CLYBL: variants seen among roughly 807,000 people sequenced by gnomAD.
CLYBL encodes the protein citramalyl-CoA lyase, also known as citramalyl-CoA lyase, mitochondrial.
A neutral mutation model predicts 38.9 loss-of-function variants in CLYBL; 31 were observed. That is an observed-to-expected ratio of 0.80 (90% CI 0.60 to 1.08). CLYBL has a LOEUF of 1.08. CLYBL is among the 50% of genes least tolerant of loss of function. The pLI is 0.00. For synonymous variants in CLYBL, 171 were observed against 158.6 expected (o/e 1.08, Z -0.59); for missense variants, 434 against 411.6 (o/e 1.05, Z -0.47).
chr13:99,789,421 G>C (rs1228690104), intron 2 of CLYBL, among the ~76,000 whole-genome samples: 1 of 152,196 alleles, frequency 6.6e-6, no homozygotes, highest in Non-Finnish European at 1.5e-5. Flanking sequence ...TGGTTTCAAA[G>C]AACATCTTTA....
intron 2 of CLYBL, among the ~76,000 whole-genome samples, chr13:99,820,468 C>T (rs1422255074): frequency 6.6e-6 from 1 of 151,796 alleles, no homozygotes; most frequent in Non-Finnish European, 1.5e-5. Flanking sequence ...GTTTGCCTAC[C>T]TCCCCCCGAC....
At chr13:99,768,194 T>TTC (rs1242905654) in intron 1 of CLYBL, among the ~76,000 whole-genome samples, 2 of 136,924 alleles carry the variant, frequency 1.5e-5, no homozygotes, top group African/African-American at 2.7e-5. Flanking sequence ...TTCTTTTTCT[T>TTC]TTTTTTTTTT....
chr13:99,634,876 G>A (rs894969225), intron 1 of CLYBL, among the ~76,000 whole-genome samples: 13 of 152,118 alleles, frequency 8.5e-5, no homozygotes, highest in African/African-American at 1.4e-4. Context: ...GTATCAGATC[G>A]CGCTCTCTGG....
rs143537183 is a variant in CLYBL at position 99,772,423 on chromosome 13, A to C, written c.63-401A>C. ...ATTTTAAAAGATTATCCAGCTAGGC[A>C]TGGTGGCTCATGCCTATAATCCCAG... On this transcript the variant is annotated intron_variant, in intron 1 of 8. Transcript: ENST00000339105. Among the ~76,000 whole-genome samples, 8 of 152,294 alleles carry C rather than the reference A, an allele frequency of 5.3e-5. No homozygotes were observed. In the East Asian group the frequency reaches 1.2e-3, roughly 22 times the overall value.
chr13:99,790,896 G>A (rs1248051449), intron 2 of CLYBL, among the ~76,000 whole-genome samples: 4 of 152,096 alleles, frequency 2.6e-5, no homozygotes, highest in Non-Finnish European at 5.9e-5. Context: ...TCTGTGTTGG[G>A]GTGAGGCATA....
At chr13:99,867,697 G>A (rs1009534442) in intron 6 of CLYBL, among the ~76,000 whole-genome samples, 1 of 152,108 alleles carries the variant, frequency 6.6e-6, no homozygotes, top group African/African-American at 2.4e-5. Flanking sequence ...GGAAAAGTTG[G>A]AGAAAAACTC....
intron 1 of CLYBL, among the ~76,000 whole-genome samples, chr13:99,769,768 A>G (rs2049343414): frequency 6.6e-6 from 1 of 152,192 alleles, no homozygotes; most frequent in Non-Finnish European, 1.5e-5. Context: ...GTTGTGGCAA[A>G]ATAAGACCCA....
chr13:99,637,396 A>G (rs9554622), intron 1 of CLYBL, among the ~76,000 whole-genome samples: 1 of 152,336 alleles, frequency 6.6e-6, no homozygotes, highest in East Asian at 1.9e-4. Context: ...CAGTCTTTCC[A>G]GCATATTGCA....
chr13:99,793,676 A>G (rs1368748808), intron 2 of CLYBL, among the ~76,000 whole-genome samples: 2 of 152,184 alleles, frequency 1.3e-5, no homozygotes, highest in African/African-American at 4.8e-5. Context: ...TATTAGGGTC[A>G]TAATAGTCAG....
rs73562278 is a variant in CLYBL, at chr13:99,634,553, C to T, written c.62+27796C>T. 7.4e-3 allele frequency among the ~76,000 whole-genome samples: 1,127 copies of T among 152,084 alleles called. 11 individuals are homozygous for T. The highest frequency in any genetic ancestry group is 0.026 in the African/African-American group (1,080 of 41,478). ...AAACTTTAACAGTGATAACCTTCCC[C>T]GTGGAAAAGGGGAAGAGATTGAGAG... is the stretch of plus-strand genomic sequence containing the variant. On this transcript the variant is annotated intron_variant, in intron 1 of 8. Transcript: ENST00000339105.
intron 1 of CLYBL, among the ~76,000 whole-genome samples, chr13:99,634,161 A>G (rs894540784): frequency 2.0e-5 from 3 of 152,214 alleles, no homozygotes; most frequent in African/African-American, 7.2e-5. Flanking sequence ...CAATAATATA[A>G]CTAACAGCCG....
intron 2 of CLYBL, among the ~76,000 whole-genome samples, chr13:99,852,974 A>G (rs1326580761): frequency 1.3e-5 from 2 of 152,220 alleles, no homozygotes. Flanking sequence ...CTGCATGCAT[A>G]TGAATGACTA....
chr13:99,862,079 A>G (rs1413533341), intron 3 of CLYBL, among the ~76,000 whole-genome samples: 2 of 152,184 alleles, frequency 1.3e-5, no homozygotes, highest in Admixed American at 6.5e-5. Context: ...GATATGATTT[A>G]CCCAACTGAG....
intron 2 of CLYBL, among the ~76,000 whole-genome samples, chr13:99,832,813 G>A (rs2050832255): frequency 1.3e-5 from 2 of 149,498 alleles, no homozygotes; most frequent in South Asian, 4.3e-4. Flanking sequence ...TTGAATTTGG[G>A]ATATGTTATA....
chr13:99,904,370 G>A (rs140403172), intron 8 of CLYBL, among the ~76,000 whole-genome samples: 357 of 152,262 alleles, frequency 2.3e-3, no homozygotes, highest in African/African-American at 8.3e-3. Flanking sequence ...GGAATTCCTG[G>A]CTATGCTAAA....
At chr13:99,716,950 T>A (rs983694820) in intron 1 of CLYBL, among the ~76,000 whole-genome samples, 8 of 150,394 alleles carry the variant, frequency 5.3e-5, no homozygotes, top group African/African-American at 9.8e-5. Flanking sequence ...TGCCACCACG[T>A]CCAGCTAATT....
intron 2 of CLYBL, among the ~76,000 whole-genome samples, chr13:99,790,196 C>A (rs938223818): frequency 2.0e-5 from 3 of 152,116 alleles, no homozygotes; most frequent in African/African-American, 7.2e-5. Context: ...AGCCCATTTA[C>A]ATTTAAGGTT....
At chr13:99,820,291 G>A (rs80084437) in intron 2 of CLYBL, among the ~76,000 whole-genome samples, 115 of 152,278 alleles carry the variant, frequency 7.6e-4, no homozygotes, top group Non-Finnish European at 1.3e-3. Flanking sequence ...GGGCAGTGAG[G>A]GGGTCCTGCA....
intron 1 of CLYBL, among the ~76,000 whole-genome samples, chr13:99,613,973 T>C (rs993772357): frequency 6.6e-6 from 1 of 152,150 alleles, no homozygotes; most frequent in African/African-American, 2.4e-5. Flanking sequence ...GGGACTGTCC[T>C]GGGTTTAGCA....
Sources: allele counts gnomAD v4.1 joint callset (sites outside exome capture counted in the v4.1 genomes callset), GRCh38; gene constraint gnomAD v4.1.1; transcripts MANE v1.5; gene names NCBI Gene and HGNC (gene_info 2026-07-23, HGNC 2026-07-21).